The following NECAB3 variants were observed in gnomAD, a reference collection of about 807,000 sequenced individuals.
The protein encoded by NECAB3 is N-terminal EF-hand calcium binding protein 3.
NECAB3 carries 38 observed loss-of-function variants against 57.2 expected under a neutral mutation model. The observed-to-expected ratio is 0.66, with a 90% confidence interval of 0.51 to 0.87. The LOEUF is 0.87. NECAB3 is among the 40% of genes least tolerant of loss of function. The pLI is 0.00. For missense variants in NECAB3, 474 were observed against 527.5 expected (o/e 0.90, Z 0.99); for synonymous variants, 223 against 222.6 (o/e 1.00, Z -0.02).
chr20:33,662,468 G>C, intron 5 of NECAB3: 2 of 1,551,572 alleles, frequency 1.3e-6, no homozygotes, highest in Non-Finnish European at 1.7e-6. Context: ...GGAAGAAGCC[G>C]GCTGTGAGGG....
chr20:33,674,872 G>A (rs981231650), upstream of NECAB3: 1 of 152,240 alleles, frequency 6.6e-6, no homozygotes, highest in Non-Finnish European at 1.5e-5. Context: ...CGCCCTCTCT[G>A]GCACTAAGCG....
rs764281785 is a variant in NECAB3, at chr20:33,660,091, G to C, written c.525-88C>G. 5 of 1,521,430 alleles carry C rather than the reference G, an allele frequency of 3.3e-6. No individual in the cohort carries two copies. The highest frequency in any genetic ancestry group is 1.8e-4 in the Middle Eastern group (1 of 5,670). 94.2% of individuals were successfully genotyped at this position (1,521,430 alleles called of 1,614,324 possible). A position where few individuals can be genotyped will look rare whatever the true frequency, so the allele number is the denominator to read the frequency against. On this transcript the variant is annotated intron_variant, in intron 6 of 11. Coordinates refer to ENST00000246190, the MANE Select transcript of NECAB3 (RefSeq NM_031232.4). The surrounding 1 kb of genome is among the most constrained non-coding windows in gnomAD (Gnocchi z 4.1). ...GGGAAGACAAGCCTCCTGGGACTCC[G>C]AGGCCTAGCCCCAAAGCCAGTCTCA...
At chr20:33,668,062 C>T (rs751783254) in intron 5 of NECAB3, 5 of 1,568,970 alleles carry the variant, frequency 3.2e-6, no homozygotes, top group Non-Finnish European at 3.5e-6. Context: ...GCAGTGCCGG[C>T]GGCACGGCTA....
At chr20:33,667,093 G>A (rs1293105906) in intron 5 of NECAB3, 1 of 174,782 alleles carries the variant, frequency 5.7e-6, no homozygotes, top group Non-Finnish European at 1.2e-5. Context: ...GGTGGCGTCG[G>A]TGTCGGGGAG....
At chr20:33,667,932 C>A (rs2017727121) in intron 5 of NECAB3, 2 of 1,558,156 alleles carry the variant, frequency 1.3e-6, no homozygotes, top group East Asian at 2.4e-5. Flanking sequence ...CGCTGGCCTT[C>A]CGGGCGCTGC....
chr20:33,674,119 G>A (rs1424790229), intron 1 of NECAB3, 105 bp downstream of exon 1: 8 of 1,141,582 alleles, frequency 7.0e-6, no homozygotes, highest in Non-Finnish European at 8.8e-6. Context: ...CCAGAGAGAG[G>A]GGAAGAGACC....
chr20:33,674,456 G>A (rs1045658465), upstream of NECAB3: 4 of 957,432 alleles, frequency 4.2e-6, no homozygotes, highest in African/African-American at 3.5e-5. Flanking sequence ...GCGCCGACGC[G>A]CGGGCTCAGG....
Position 33,657,842 on chromosome 20 carries a change from AT to A in NECAB3, c.1177del (p.Met393Ter). On this transcript the variant is annotated frameshift_variant, in exon 12 of 12. Transcript: ENST00000246190. LOFTEE classifies it high-confidence loss of function. ...TGCAGGTCTGGCTCAGTTGTTATTC[AT>A]TATCCACCAGGAGGCTGGGGGTCAG... Reference protein sequence around the residue: ...TVFFPASWWIMNNN With the variant: ...TVFFPASWWIXNNN 1 of 1,540,718 alleles carries A rather than the reference AT, an allele frequency of 6.5e-7. No homozygotes were observed. Among genetic ancestry groups the A allele is most frequent in the Non-Finnish European group, 8.8e-7 (1 of 1,141,010 alleles).
At position 33,667,816 on chromosome 20, in the gene NECAB3, A is replaced by G. The variant is rs532624645; in HGVS notation, c.387+1559T>C. 5.0e-6 allele frequency: 8 copies of G among 1,612,126 alleles called. No homozygotes were observed. The Admixed American group carries it at 1.2e-4, about 24-fold the overall frequency. ...CGCCCGCCACCATCCGGCCAGTTTC[A>G]GCGTGGGTAACGGGTGCTGCGTCTG... On this transcript the variant is annotated intron_variant, in intron 5 of 11. Transcript: ENST00000246190.
chr20:33,657,727 A>T lies in NECAB3; in HGVS notation c.*102T>A. 1 of 1,269,322 alleles carries T rather than the reference A, an allele frequency of 7.9e-7. No individual in the cohort carries two copies. The highest frequency in any genetic ancestry group is 1.1e-6 in the Non-Finnish European group (1 of 939,392). The allele number at this position is 1,269,322 out of a possible 1,614,324, so 78.6% of individuals were successfully genotyped here. A position where few individuals can be genotyped will look rare whatever the true frequency, so the allele number is the denominator to read the frequency against. ...GAGCCCTTCCACCAGGCCCAAGTCC[A>T]GGAGGAGACAAGTCCTGGTCTTTGC... On this transcript the variant is annotated 3_prime_UTR_variant, in exon 12 of 12. Transcript: ENST00000246190.
At chr20:33,663,664 A>C (rs1568896306) in intron 5 of NECAB3, 1 of 1,574,924 alleles carries the variant, frequency 6.3e-7, no homozygotes, top group Non-Finnish European at 8.6e-7. Context: ...GGGCGAAGGT[A>C]GCGAGCGCGA....
chr20:33,672,343 T>A, intron 2 of NECAB3, 55 bp downstream of exon 2: 1 of 1,609,894 alleles, frequency 6.2e-7, no homozygotes. Context: ...TCCCTGGGCC[T>A]CCTGGATGCC....
At chr20:33,669,287 C>A (rs771361995) in intron 5 of NECAB3, 88 bp downstream of exon 5, 29 of 1,405,082 alleles carry the variant, frequency 2.1e-5, no homozygotes, top group Middle Eastern at 3.5e-4. Context: ...AGCTCTATAA[C>A]CCTGAGTCAA....
chr20:33,671,642 G>A (rs2017829477), intron 2 of NECAB3, among the ~76,000 whole-genome samples: 1 of 152,190 alleles, frequency 6.6e-6, no homozygotes, highest in East Asian at 1.9e-4. Context: ...GGGCCACACA[G>A]GGCACAGTGG....
rs1171312283 is a variant in NECAB3, at chr20:33,663,754, A to T, written c.388-3359T>A. Reference sequence around the variant, plus strand: ...AGAGGGCGGGGCCAGGGCAGCTCTGAGCTGGCCGCGGCTGCTCTCGCGCTT... The same window carrying T: ...AGAGGGCGGGGCCAGGGCAGCTCTGTGCTGGCCGCGGCTGCTCTCGCGCTT... On this transcript the variant is annotated intron_variant, in intron 5 of 11. Transcript: ENST00000246190. 3.4e-6 allele frequency: 5 copies of T among 1,480,920 alleles called. No homozygotes were observed. The East Asian group carries it at 1.1e-4, about 32-fold the overall frequency. 91.7% of individuals were successfully genotyped at this position (1,480,920 alleles called of 1,614,324 possible). A position where few individuals can be genotyped will look rare whatever the true frequency, so the allele number is the denominator to read the frequency against.
At chr20:33,668,142 G>A in intron 5 of NECAB3, 3 of 1,612,236 alleles carry the variant, frequency 1.9e-6, no homozygotes, top group Non-Finnish European at 1.7e-6. Flanking sequence ...GCGGCTCCAT[G>A]GTGGCCTCCC....
chr20:33,664,216 A>G, intron 5 of NECAB3: 1 of 273,040 alleles, frequency 3.7e-6, no homozygotes, highest in Non-Finnish European at 6.8e-6. Flanking sequence ...CACGCTAGTG[A>G]GAGGGACCTG....
intron 5 of NECAB3, among the ~76,000 whole-genome samples, chr20:33,662,951 A>G (rs2017527983): frequency 6.6e-6 from 1 of 152,138 alleles, no homozygotes; most frequent in Non-Finnish European, 1.5e-5. Flanking sequence ...TTAAACAAAA[A>G]AAGCCCAGAA....
rs1323687965 is a variant in NECAB3, at chr20:33,674,253, C to A, written c.100G>T (p.Gly34Trp). ...PRHPQLAPDPGPAGHTLFQDV... is the reference protein window; with the variant it reads ...PRHPQLAPDPWPAGHTLFQDV... ...TGGAAGAGCGTGTGTCCGGCGGGCC[C>A]CGGGTCGGGCGCGAGCTGGGGGTGC... Residue 34 changes from glycine (G) to tryptophan (W), a missense_variant, in exon 1 of 12, where the codon GGG becomes TGG. Gly to Trp is a radical substitution (Grantham distance 184). Transcript: ENST00000246190. 8.9e-6 allele frequency: 11 copies of A among 1,234,876 alleles called. No individual in the cohort carries two copies. Among genetic ancestry groups the A allele is most frequent in the Non-Finnish European group, 1.1e-5 (11 of 988,974 alleles). The allele number at this position is 1,234,876 out of a possible 1,614,324, so 76.5% of individuals were successfully genotyped here.
Sources: gnomAD v4.1 joint callset for allele counts (sites outside exome capture counted in the v4.1 genomes callset) on GRCh38, gnomAD v4.1.1 for gene constraint, Gnocchi (gnomAD v3.1) non-coding constraint, MANE v1.5 for transcripts, NCBI Gene and HGNC (gene_info 2026-07-23, HGNC 2026-07-21) for gene names.